Variants in INSC observed in about 807,000 individuals in gnomAD.
The protein encoded by INSC is INSC spindle orientation adaptor protein.
In INSC, 67 loss-of-function variants were observed where a neutral mutation model predicts 58.6. The observed-to-expected ratio is 1.14, with a 90% CI of 0.94 to 1.40. INSC has a LOEUF of 1.40. Ranked by LOEUF, INSC falls within the 40% of genes most tolerant of loss-of-function variation. INSC has a pLI of 0.00. For missense variants in INSC, 714 were observed against 692.0 expected (o/e 1.03, Z -0.36); for synonymous variants, 262 against 276.1 (o/e 0.95, Z 0.51).
At chr11:15,145,913 G>T (rs527739570) in intron 1 of INSC, among the ~76,000 whole-genome samples, 6 of 152,270 alleles carry the variant, frequency 3.9e-5, no homozygotes, top group Non-Finnish European at 8.8e-5. Flanking sequence ...GAGTCAGGGT[G>T]TCTGTTAGCA....
chr11:15,198,925 C>T (rs1344851322), intron 6 of INSC, among the ~76,000 whole-genome samples: 2 of 152,140 alleles, frequency 1.3e-5, no homozygotes, highest in South Asian at 2.1e-4. Flanking sequence ...TCATGCCAGA[C>T]ATTTTTACTG....
chr11:15,196,635 G>A (rs11023468), intron 6 of INSC, among the ~76,000 whole-genome samples: 47,487 of 152,092 alleles, frequency 0.31, 7,825 homozygotes, highest in African/African-American at 0.34. Context: ...GGGAGAATAT[G>A]AGCTTTCTGA....
chr11:15,162,679 C>T (rs970662820), intron 2 of INSC, among the ~76,000 whole-genome samples: 2 of 152,178 alleles, frequency 1.3e-5, no homozygotes, highest in African/African-American at 2.4e-5. Context: ...GTAGCTAGAA[C>T]AGTTCCTGGC....
chr11:15,140,583 CTTT>C (rs893928175), intron 1 of INSC, among the ~76,000 whole-genome samples: 2 of 140,570 alleles, frequency 1.4e-5, no homozygotes, highest in Admixed American at 7.2e-5. Context: ...TTTCTTTCTT[CTTT>C]TTTTTTTTTT....
At chr11:15,200,685 AGT>A in intron 6 of INSC, 137 bp from the exon 7 acceptor site, 1 of 991,760 alleles carries the variant, frequency 1.0e-6, no homozygotes, top group Non-Finnish European at 1.5e-6. Context: ...AGTGTGTGTA[AGT>A]GTGTGTGGGG....
At chr11:15,231,308 A>G (rs1851915642) in intron 9 of INSC, among the ~76,000 whole-genome samples, 1 of 152,186 alleles carries the variant, frequency 6.6e-6, no homozygotes, top group South Asian at 2.1e-4. Context: ...AGTGCTATCC[A>G]ATCTTTTGAC....
At chr11:15,197,161 C>A (rs1030025818) in intron 6 of INSC, among the ~76,000 whole-genome samples, 12 of 152,290 alleles carry the variant, frequency 7.9e-5, no homozygotes, top group Middle Eastern at 3.4e-3. Context: ...TATTCAAGGT[C>A]ACACACATGA....
At chr11:15,226,985 G>A (rs527744291) in intron 9 of INSC, among the ~76,000 whole-genome samples, 161 of 152,282 alleles carry the variant, frequency 1.1e-3, no homozygotes, top group African/African-American at 3.7e-3. Flanking sequence ...GCAGCTGACC[G>A]TAGAAGCTCC....
chr11:15,201,891 G>A (rs1850607766), intron 7 of INSC, among the ~76,000 whole-genome samples: 1 of 152,160 alleles, frequency 6.6e-6, no homozygotes, highest in South Asian at 2.1e-4. Context: ...CCCACAGTCT[G>A]GTCCTGGCAG....
At chr11:15,256,674 G>C in the INSC span, among the ~76,000 whole-genome samples, 2 of 152,090 alleles carry the variant, frequency 1.3e-5, no homozygotes, top group African/African-American at 4.8e-5. Flanking sequence ...ATTTTTAGTA[G>C]AGATGGGGTT....
chr11:15,126,908 G>C (rs1564858675), intron 1 of INSC, among the ~76,000 whole-genome samples: 1 of 152,196 alleles, frequency 6.6e-6, no homozygotes, highest in Non-Finnish European at 1.5e-5. Flanking sequence ...TGTGGATGGG[G>C]ATAGAGCCTG....
chr11:15,163,301 T>TTCCCTCCC (rs1437261490), intron 2 of INSC, among the ~76,000 whole-genome samples: 3 of 152,230 alleles, frequency 2.0e-5, no homozygotes, highest in Admixed American at 6.5e-5. Flanking sequence ...AAACAATTTC[T>TTCCCTCCC]TCCCTCCCTG....
intron 5 of INSC, among the ~76,000 whole-genome samples, chr11:15,182,985 T>C (rs1321535724): frequency 6.6e-6 from 1 of 152,164 alleles, no homozygotes; most frequent in Non-Finnish European, 1.5e-5. Context: ...CATGAACCAT[T>C]AAGACCCTTA....
intron 7 of INSC, among the ~76,000 whole-genome samples, chr11:15,211,050 G>T (rs1464863539): frequency 6.6e-6 from 1 of 152,034 alleles, no homozygotes; most frequent in Non-Finnish European, 1.5e-5. Context: ...AAGGAAGGAG[G>T]ATAAGAAAAG....
intron 10 of INSC, among the ~76,000 whole-genome samples, chr11:15,236,516 C>T (rs999511525): frequency 2.6e-5 from 4 of 152,238 alleles, no homozygotes; most frequent in African/African-American, 4.8e-5. Context: ...CTGAGTGCAT[C>T]TCTTCTCCCA....
chr11:15,265,830 T>C, the INSC span, among the ~76,000 whole-genome samples: 1 of 9,690 alleles, frequency 1.0e-4, no homozygotes, highest in South Asian at 5.2e-3. Context: ...TGTTCTTGCT[T>C]TTTTTTTTTT....
Position 15,178,257 on chromosome 11 carries a change from C to T in INSC, c.456-67C>T, listed in dbSNP as rs138788664. The T allele has an allele frequency of 2.4e-4, 390 of 1,593,874 alleles. 2 individuals are homozygous for T. The African/African-American group carries it at 3.9e-3, about 16-fold the overall frequency. On this transcript the variant is annotated intron_variant, in intron 4 of 12. Transcript: ENST00000379556. ...GCTTGTAGCAGGTCCAGTTCTGGCC[C>T]GTGCAACATTTCTGGGCTGACCACA...
chr11:15,219,620 T>C (rs1401391145), intron 7 of INSC, among the ~76,000 whole-genome samples: 1 of 152,058 alleles, frequency 6.6e-6, no homozygotes, highest in Non-Finnish European at 1.5e-5. Context: ...TCTCCAAGCA[T>C]GTGTTGGGGA....
chr11:15,267,320 A>G, the INSC span, among the ~76,000 whole-genome samples: 5 of 152,108 alleles, frequency 3.3e-5, no homozygotes, highest in Non-Finnish European at 7.4e-5. Flanking sequence ...AATATGCTCT[A>G]TGTATTTCTG....
Sources: gnomAD v4.1 joint callset for allele counts (sites outside exome capture counted in the v4.1 genomes callset) on GRCh38, gnomAD v4.1.1 for gene constraint, MANE v1.5 for transcripts, NCBI Gene and HGNC (gene_info 2026-07-23, HGNC 2026-07-21) for gene names.